The following UNC5C variants were observed in gnomAD, a reference collection of about 807,000 sequenced individuals.
UNC5C encodes netrin receptor UNC5C.
UNC5C carries 47 observed loss-of-function variants against 99.8 expected under a neutral mutation model. The observed-to-expected ratio is 0.47, with a 90% CI of 0.37 to 0.60. UNC5C has a LOEUF of 0.60. Ranked by LOEUF, UNC5C falls within the 20% of genes least tolerant of loss-of-function variation. UNC5C has a pLI of 0.00. For synonymous variants in UNC5C, 487 were observed against 452.2 expected, an observed-to-expected ratio of 1.08 and a Z score of -0.98; for missense variants, 1,062 against 1,165.9, an observed-to-expected ratio of 0.91 and a Z score of 1.30.
Position 95,548,762 on chromosome 4 carries a change from G to T in UNC5C, c.96C>A (p.Ser32Arg), listed in dbSNP as rs1050007711. 6.2e-7 allele frequency: 1 copy of T among 1,613,138 alleles called. No individual in the cohort carries two copies. The highest frequency in any genetic ancestry group is 8.5e-7 in the Non-Finnish European group (1 of 1,179,762). Residue 32 changes from serine (S) to arginine (R), a missense_variant, in exon 1 of 16, where the codon AGC becomes AGA. This residue lies in a region of UNC5C where 249 missense variants were observed against 295.1 expected (regional missense o/e 0.84). Coordinates refer to ENST00000453304, the MANE Select transcript of UNC5C (RefSeq NM_003728.4). ...MLVLPALALL[S>R]ASGTGSAAQD... ...GGGCGGCGGAGCCAGTGCCGCTGGCGCTGAGCAGGGCCAGGGCAGGTAGCA... is the reference window on the plus strand; with the variant it reads ...GGGCGGCGGAGCCAGTGCCGCTGGCTCTGAGCAGGGCCAGGGCAGGTAGCA...
rs186871920 is a variant in UNC5C, at chr4:95,233,734, G to A, written c.1108+8695C>T. On this transcript the variant is annotated intron_variant, in intron 7 of 15. Transcript: ENST00000453304. Reference sequence around the variant, plus strand: ...GCAGATCACTTGAGGTCAGGAGTTCGAGACCAGCCTGGCCAAATGGTGAAA... The same window carrying A: ...GCAGATCACTTGAGGTCAGGAGTTCAAGACCAGCCTGGCCAAATGGTGAAA... Among the ~76,000 whole-genome samples the A allele has an allele frequency of 5.7e-3, 867 of 152,174 alleles. 7 individuals carry two copies. The highest frequency in any genetic ancestry group is 0.02 in the African/African-American group (836 of 41,514).
chr4:95,370,982 A>G (rs1250611757), intron 1 of UNC5C, among the ~76,000 whole-genome samples: 3 of 152,222 alleles, frequency 2.0e-5, no homozygotes, highest in African/African-American at 7.2e-5. Flanking sequence ...AATACATAGC[A>G]GGGTCCTGGG....
chr4:95,280,092 G>A (rs2865421), intron 3 of UNC5C, among the ~76,000 whole-genome samples: 26,005 of 152,050 alleles, frequency 0.17, 3,710 homozygotes, highest in African/African-American at 0.36. Flanking sequence ...GCTCCTAACA[G>A]ACCACGGACC....
chr4:95,536,386 T>TA (rs928184063), intron 1 of UNC5C, among the ~76,000 whole-genome samples: 5 of 149,602 alleles, frequency 3.3e-5, no homozygotes, highest in African/African-American at 5.0e-5. Flanking sequence ...ACTCAATATA[T>TA]TTTTTTTTAG....
At chr4:95,300,924 A>G (rs1295262719) in intron 3 of UNC5C, among the ~76,000 whole-genome samples, 2 of 152,164 alleles carry the variant, frequency 1.3e-5, no homozygotes, top group Non-Finnish European at 2.9e-5. Flanking sequence ...TTAATTGTTC[A>G]TTTTAAAATA....
At chr4:95,383,915 G>A (rs1030867211) in intron 1 of UNC5C, among the ~76,000 whole-genome samples, 1 of 152,006 alleles carries the variant, frequency 6.6e-6, no homozygotes, top group Non-Finnish European at 1.5e-5. Context: ...AAGACCAAAT[G>A]GTTTCCTCTT....
intron 2 of UNC5C, among the ~76,000 whole-genome samples, chr4:95,308,967 A>G (rs1742167303): frequency 6.6e-6 from 1 of 152,096 alleles, no homozygotes; most frequent in African/African-American, 2.4e-5. Context: ...AAGACCCTGA[A>G]TAGCTAATGC....
intron 3 of UNC5C, among the ~76,000 whole-genome samples, chr4:95,291,993 A>G (rs752325503): frequency 2.0e-5 from 3 of 151,958 alleles, no homozygotes. Flanking sequence ...TTAGGCTACT[A>G]GAACTGTTTA....
intron 1 of UNC5C, among the ~76,000 whole-genome samples, chr4:95,348,939 GA>G (rs1308288037): frequency 7.6e-6 from 1 of 131,324 alleles, no homozygotes; most frequent in Admixed American, 8.4e-5. Flanking sequence ...CATGGAGAAA[GA>G]GAATAGAATG....
Position 95,206,743 on chromosome 4 carries a change from G to A in UNC5C, c.1787C>T (p.Pro596Leu). Residue 596 changes from proline (P) to leucine (L), a missense_variant, in exon 11 of 16, where the codon CCC (proline) becomes CTC (leucine). Pro to Leu is a moderately conservative substitution (Grantham distance 98). Coordinates refer to ENST00000453304, the MANE Select transcript of UNC5C (RefSeq NM_003728.4). ...TLLTPVVSCG[P>L]PGALLTRPVV... ...TGGGCGGGTGAGCAGAGCTCCTGGG[G>A]GCCCACAGCTCACCACAGGGGTCAA... is the stretch of plus-strand genomic sequence containing the variant. 3 of 1,613,694 alleles carry A rather than the reference G, an allele frequency of 1.9e-6. No homozygotes were observed. The highest frequency in any genetic ancestry group is 2.2e-5 in the East Asian group (1 of 44,858).
intron 2 of UNC5C, among the ~76,000 whole-genome samples, chr4:95,316,477 C>T (rs1377105198): frequency 6.6e-6 from 1 of 152,096 alleles, no homozygotes; most frequent in Non-Finnish European, 1.5e-5. Flanking sequence ...CGCAGGCACA[C>T]TTTTAATTTG....
At chr4:95,502,561 G>A (rs899935587) in intron 1 of UNC5C, among the ~76,000 whole-genome samples, 8 of 152,060 alleles carry the variant, frequency 5.3e-5, no homozygotes, top group Admixed American at 1.3e-4. Flanking sequence ...GGGTGTGCTC[G>A]GCCAACATTT....
intron 4 of UNC5C, among the ~76,000 whole-genome samples, chr4:95,273,073 CACG>C (rs1378134306): frequency 1.3e-5 from 2 of 152,208 alleles, no homozygotes; most frequent in East Asian, 3.9e-4. Flanking sequence ...CCCTGTTTAT[CACG>C]ACTATACTCA....
At chr4:95,420,134 C>A (rs1746275281) in intron 1 of UNC5C, among the ~76,000 whole-genome samples, 1 of 152,078 alleles carries the variant, frequency 6.6e-6, no homozygotes, top group South Asian at 2.1e-4. Flanking sequence ...TCTACACTTA[C>A]TGTGTGTTTG....
intron 1 of UNC5C, among the ~76,000 whole-genome samples, chr4:95,522,571 C>T (rs1722388131): frequency 6.6e-6 from 1 of 152,052 alleles, no homozygotes; most frequent in African/African-American, 2.4e-5. Context: ...CAAAAAAAAG[C>T]TTAAAAAAAT....
Position 95,379,735 on chromosome 4 carries a change from T to C in UNC5C, c.125-44104A>G, listed in dbSNP as rs189949441. On this transcript the variant is annotated intron_variant, in intron 1 of 15. Transcript: ENST00000453304. ...TAGTTTCACATGACTTAGTTTCACA[T>C]GGTGGTAGATCAGCTCTCCGCAGCC... 3.1e-3 allele frequency among the ~76,000 whole-genome samples: 465 copies of C among 152,282 alleles called. 8 individuals carry two copies. The highest frequency in any genetic ancestry group is 3.5e-3 in the East Asian group (18 of 5,168).
At chr4:95,465,524 T>C (rs1747745446) in intron 1 of UNC5C, among the ~76,000 whole-genome samples, 1 of 151,930 alleles carries the variant, frequency 6.6e-6, no homozygotes, top group Non-Finnish European at 1.5e-5. Flanking sequence ...GTTTCTTTTC[T>C]TCCATGTAGG....
chr4:95,460,634 C>T (rs141120642), intron 1 of UNC5C, among the ~76,000 whole-genome samples: 60 of 152,294 alleles, frequency 3.9e-4, no homozygotes, highest in Non-Finnish European at 5.6e-4. Flanking sequence ...GATTGTGAGG[C>T]GTCCCTAGCC....
intron 1 of UNC5C, among the ~76,000 whole-genome samples, chr4:95,388,329 AT>A (rs894614410): frequency 1.3e-5 from 2 of 152,194 alleles, no homozygotes; most frequent in Non-Finnish European, 2.9e-5. Flanking sequence ...GTTTTAGAGA[AT>A]TTTTTTATAA....
Sources: gnomAD v4.1 joint callset for allele counts (sites outside exome capture counted in the v4.1 genomes callset) on GRCh38, gnomAD v4.1.1 for gene constraint, gnomAD v4.1.1 regional missense constraint, MANE v1.5 for transcripts, NCBI Gene and HGNC (gene_info 2026-07-23, HGNC 2026-07-21) for gene names.